Variants in SLC3A1 observed in about 807,000 individuals in gnomAD.
The protein encoded by SLC3A1 is amino acid transporter heavy chain SLC3A1.
In SLC3A1, 78 loss-of-function variants were observed where a neutral mutation model predicts 60.3. The ratio of observed to expected loss-of-function variants is 1.29; its 90% CI spans 1.08 to 1.56. The LOEUF is 1.56. Among genes scored for constraint, SLC3A1 ranks in the 40% most tolerant of loss-of-function variants. The pLI, the probability that SLC3A1 is intolerant of heterozygous loss-of-function variation, is 0.00. For synonymous variants in SLC3A1, 392 were observed against 307.9 expected (o/e 1.27, Z -2.86); for missense variants, 1,172 against 858.9 (o/e 1.36, Z -4.56).
intron 4 of SLC3A1, among the ~76,000 whole-genome samples, chr2:44,286,814 C>T (rs561766452): frequency 3.8e-4 from 56 of 148,200 alleles, no homozygotes; most frequent in African/African-American, 1.3e-3. Context: ...GTGCCTGTGA[C>T]GGTGAGCTGT....
intron 1 of SLC3A1, among the ~76,000 whole-genome samples, chr2:44,278,197 C>A (rs1334045535): frequency 6.6e-6 from 1 of 152,058 alleles, no homozygotes; most frequent in Non-Finnish European, 1.5e-5. Flanking sequence ...GTAATCCCAG[C>A]ACTTTGGGAG....
intron 3 of SLC3A1, among the ~76,000 whole-genome samples, chr2:44,283,470 A>G (rs966834320): frequency 3.3e-5 from 5 of 152,218 alleles, no homozygotes; most frequent in South Asian, 4.1e-4. Flanking sequence ...CTATAATCCT[A>G]TGAGTCTGGT....
At chr2:44,319,856 G>A (rs747466071) in intron 9 of SLC3A1, 8 of 260,750 alleles carry the variant, frequency 3.1e-5, no homozygotes, top group Non-Finnish European at 6.0e-5. Flanking sequence ...TTACAATATA[G>A]CACAGAATGA....
chr2:44,295,821 C>G (rs983095697), intron 4 of SLC3A1, among the ~76,000 whole-genome samples: 2 of 152,166 alleles, frequency 1.3e-5, no homozygotes, highest in African/African-American at 4.8e-5. Flanking sequence ...ACATTTTTGT[C>G]AGAGGCCGCT....
rs1001222902 is a variant in SLC3A1 at position 44,293,679 on chromosome 2, C to A, written c.892-6292C>A. Among the ~76,000 whole-genome samples the A allele has an allele frequency of 1.9e-4, 29 of 152,144 alleles. 1 individual carries two copies. Among genetic ancestry groups the A allele is most frequent in the Admixed American group, 1.9e-3 (29 of 15,278 alleles). ...AGGTGAGCAAGAGGGCCAACTGCAA[C>A]GTAGCTGGAGCGAATTGCTCACATG... On this transcript the variant is annotated intron_variant, in intron 4 of 9. Coordinates refer to ENST00000260649, the MANE Select transcript of SLC3A1 (RefSeq NM_000341.4).
intron 9 of SLC3A1, chr2:44,319,880 A>G (rs1405419431): frequency 1.4e-5 from 4 of 292,460 alleles, no homozygotes; most frequent in Non-Finnish European, 2.6e-5. Context: ...TGCAAGTTAA[A>G]TATTCATCTT....
In SLC3A1 at chr2:44,321,185, T is replaced by C. The variant is rs865808559; in HGVS notation, c.*546T>C. The C allele has an allele frequency of 4.9e-6, 3 of 611,248 alleles. No homozygotes were observed. Among genetic ancestry groups the C allele is most frequent in the African/African-American group, 3.7e-5 (2 of 53,646 alleles). The allele number at this position is 611,248 out of a possible 1,614,324, so 37.9% of individuals were successfully genotyped here. On this transcript the variant is annotated 3_prime_UTR_variant, in exon 10 of 10. Transcript: ENST00000260649. ...TGGGCATGTGCATCAATGGAGAGAA[T>C]AGTATAAGCAAGTGAGATGTAGACT...
At chr2:44,310,882 T>G (rs552708898) in intron 7 of SLC3A1, among the ~76,000 whole-genome samples, 1 of 152,166 alleles carries the variant, frequency 6.6e-6, no homozygotes, top group South Asian at 2.1e-4. Flanking sequence ...CACTGCAACC[T>G]TGATGTCCTG....
chr2:44,307,732 T>C (rs559259006), intron 7 of SLC3A1, among the ~76,000 whole-genome samples: 8 of 152,322 alleles, frequency 5.3e-5, no homozygotes, highest in African/African-American at 1.7e-4. Context: ...ATTCCTGATA[T>C]ATACTGGATA....
chr2:44,295,667 G>A (rs761753627), intron 4 of SLC3A1, among the ~76,000 whole-genome samples: 7 of 152,078 alleles, frequency 4.6e-5, no homozygotes, highest in African/African-American at 1.4e-4. Context: ...CCTTCTGTGC[G>A]GTACAAGTTT....
At chr2:44,298,193 A>C (rs1019230704) in intron 4 of SLC3A1, among the ~76,000 whole-genome samples, 1 of 152,206 alleles carries the variant, frequency 6.6e-6, no homozygotes. Flanking sequence ...TCTTTAAAAA[A>C]AATGTTAAGT....
Position 44,320,356 on chromosome 2 carries a change from T to C in SLC3A1, c.1775T>C (p.Ile592Thr), listed in dbSNP as rs779453355. 6 of 1,614,122 alleles carry C rather than the reference T, an allele frequency of 3.7e-6. No homozygotes were observed. In the South Asian group the frequency reaches 6.6e-5, roughly 18 times the overall value. The stretch of plus-strand genomic sequence containing the variant: ...AGAGAGCTGGATGGCATCGACAGAA[T>C]CTTTATCGTGGTTCTGAATTTTGGA... The part of the protein sequence containing the change: ...YTRELDGIDR[I>T]FIVVLNFGES... Residue 592 changes from isoleucine (I) to threonine (T), a missense_variant, in exon 10 of 10, where the codon ATC becomes ACC. Physicochemically the swap from Ile to Thr is moderately conservative, Grantham distance 89. Coordinates refer to ENST00000260649, the MANE Select transcript of SLC3A1 (RefSeq NM_000341.4).
chr2:44,296,350 C>T (rs1201507616), intron 4 of SLC3A1, among the ~76,000 whole-genome samples: 2 of 152,154 alleles, frequency 1.3e-5, no homozygotes, highest in Non-Finnish European at 2.9e-5. Flanking sequence ...TTGTATTTTT[C>T]TTGTGGTTGT....
At chr2:44,296,757 G>T (rs1044941171) in intron 4 of SLC3A1, among the ~76,000 whole-genome samples, 8 of 152,308 alleles carry the variant, frequency 5.3e-5, no homozygotes, top group African/African-American at 1.9e-4. Context: ...CCTCACCCCA[G>T]TCTCATCTTG....
At chr2:44,300,651 G>C (rs1476546490) in intron 5 of SLC3A1, among the ~76,000 whole-genome samples, 3 of 152,106 alleles carry the variant, frequency 2.0e-5, no homozygotes. Flanking sequence ...AGCAGATAAA[G>C]TATACATGTA....
At chr2:44,296,561 G>A (rs1488984835) in intron 4 of SLC3A1, among the ~76,000 whole-genome samples, 1 of 152,166 alleles carries the variant, frequency 6.6e-6, no homozygotes, top group East Asian at 1.9e-4. Flanking sequence ...CCCAGAACTT[G>A]CTCTTAGGCA....
chr2:44,321,677 C>G (rs767564109), downstream of SLC3A1: 181 of 1,547,136 alleles, frequency 1.2e-4, 1 homozygote, highest in Non-Finnish European at 1.4e-4. Flanking sequence ...TTGATTGACA[C>G]AGTGTCCCTC....
At chr2:44,316,941 AAAT>A (rs1466749983) in intron 9 of SLC3A1, among the ~76,000 whole-genome samples, 51 of 152,362 alleles carry the variant, frequency 3.3e-4, no homozygotes, top group Admixed American at 2.9e-3. Context: ...AACTTGATTT[AAAT>A]AATTTTTGAT....
At position 44,300,068 on chromosome 2, in the gene SLC3A1, A is replaced by T; in HGVS notation, c.989A>T (p.Gln330Leu). 6.2e-7 allele frequency: 1 copy of T among 1,614,008 alleles called. No individual in the cohort carries two copies. The highest frequency in any genetic ancestry group is 8.5e-7 in the Non-Finnish European group (1 of 1,179,842). Residue 330 changes from glutamine (Q) to leucine (L), a missense_variant, in exon 5 of 10, where the codon CAA becomes CTA. Physicochemically the swap from Gln to Leu is moderately radical, Grantham distance 113. Coordinates refer to ENST00000260649, the MANE Select transcript of SLC3A1 (RefSeq NM_000341.4). ...GCAAAGCACCTGAGAGATGAGATCC[A>T]AGTAAATAAGACCCAAATCCCGGTA... ...LEAKHLRDEIQVNKTQIPDTV... is the reference protein window; with the variant it reads ...LEAKHLRDEILVNKTQIPDTV...
Sources: gnomAD v4.1 joint callset for allele counts (sites outside exome capture counted in the v4.1 genomes callset) on GRCh38, gnomAD v4.1.1 for gene constraint, MANE v1.5 for transcripts, NCBI Gene and HGNC (gene_info 2026-07-23, HGNC 2026-07-21) for gene names.